ELP4: variants seen among roughly 807,000 people sequenced by gnomAD.
ELP4 encodes the protein elongator acetyltransferase complex subunit 4.
In ELP4, 51 loss-of-function variants were observed where a neutral mutation model predicts 48.9. The observed-to-expected ratio is 1.04, with a 90% CI of 0.83 to 1.32. The LOEUF (loss-of-function observed/expected upper bound fraction) is 1.32, where lower values mean the gene tolerates loss of function less well. Among genes scored for constraint, ELP4 ranks in the 40% most tolerant of loss-of-function variants. The probability of loss-of-function intolerance (pLI) is 0.00; values close to 1 mark genes in which losing one functional copy is unlikely to be tolerated. For synonymous variants in ELP4, 210 were observed against 189.2 expected (o/e 1.11, Z -0.90); for missense variants, 519 against 514.6 (o/e 1.01, Z -0.08).
intron 5 of ELP4, among the ~76,000 whole-genome samples, chr11:31,609,269 T>C (rs1326619123): frequency 6.6e-6 from 1 of 152,148 alleles, no homozygotes; most frequent in Non-Finnish European, 1.5e-5. Flanking sequence ...TTTGGCACGA[T>C]CTCGTTGGGC....
chr11:31,695,280 A>G (rs996586850), intron 9 of ELP4, among the ~76,000 whole-genome samples: 3 of 152,038 alleles, frequency 2.0e-5, no homozygotes, highest in Non-Finnish European at 2.9e-5. Flanking sequence ...TCAGTATGTT[A>G]TTGGCTGTGG....
At chr11:31,712,011 A>G (rs765226611) in intron 9 of ELP4, among the ~76,000 whole-genome samples, 9 of 151,864 alleles carry the variant, frequency 5.9e-5, no homozygotes, top group Non-Finnish European at 1.2e-4. Flanking sequence ...TTTCTTCTAA[A>G]CCATGGGTCA....
At chr11:31,678,307 G>A (rs1183453078) in intron 9 of ELP4, among the ~76,000 whole-genome samples, 1 of 151,996 alleles carries the variant, frequency 6.6e-6, no homozygotes, top group African/African-American at 2.4e-5. Context: ...AAATTAGCCA[G>A]GTATGGTGGT....
rs1012507251 is a variant in ELP4 at position 31,579,400 on chromosome 11, A to G, written c.382-15370A>G. On this transcript the variant is annotated intron_variant, in intron 3 of 9. Transcript: ENST00000640961. ...GGCGATTCCTCAAGGATCTAGAACTAGAAATACCATTAGACCCAGCCATCC... is the reference window on the plus strand; with the variant it reads ...GGCGATTCCTCAAGGATCTAGAACTGGAAATACCATTAGACCCAGCCATCC... 3.4e-4 allele frequency among the ~76,000 whole-genome samples: 51 copies of G among 152,204 alleles called. 1 individual carries two copies. The highest frequency in any genetic ancestry group is 1.0e-4 in the Non-Finnish European group (7 of 68,026).
intron 9 of ELP4, among the ~76,000 whole-genome samples, chr11:31,657,199 T>C (rs1191350923): frequency 6.6e-6 from 1 of 152,048 alleles, no homozygotes; most frequent in Non-Finnish European, 1.5e-5. Flanking sequence ...AGTTTAGTCC[T>C]GCCTCAGTGC....
chr11:31,666,801 A>T (rs1216889658), intron 9 of ELP4, among the ~76,000 whole-genome samples: 1 of 135,260 alleles, frequency 7.4e-6, no homozygotes, highest in Admixed American at 7.5e-5. Flanking sequence ...TAACTTACTT[A>T]CTATTTACTG....
intron 5 of ELP4, among the ~76,000 whole-genome samples, chr11:31,607,934 G>A (rs184920868): frequency 3.1e-4 from 47 of 152,212 alleles, no homozygotes; most frequent in African/African-American, 1.1e-3. Context: ...AAGATGTGGA[G>A]ACCTCCTTTT....
intron 3 of ELP4, among the ~76,000 whole-genome samples, chr11:31,559,311 C>T (rs1474402719): frequency 1.3e-5 from 2 of 152,176 alleles, no homozygotes; most frequent in Admixed American, 1.3e-4. Flanking sequence ...GGCCTTAGTT[C>T]ACCACGTCTG....
intron 1 of ELP4, among the ~76,000 whole-genome samples, chr11:31,515,027 G>GTATATATATA (rs1465007823): frequency 2.9e-5 from 4 of 137,222 alleles, no homozygotes; most frequent in African/African-American, 1.1e-4. Flanking sequence ...GTGTGTGTGT[G>GTATATATATA]TGTGTGTATA....
chr11:31,693,983 T>A (rs1204638782), intron 9 of ELP4, among the ~76,000 whole-genome samples: 1 of 152,242 alleles, frequency 6.6e-6, no homozygotes, highest in Non-Finnish European at 1.5e-5. Context: ...TCTGTTCAGA[T>A]CCTTCGCCCA....
Position 31,789,771 on chromosome 11 carries a change from G to A in ELP4, c.*6247G>A. 1.4e-6 allele frequency: 1 copy of A among 731,866 alleles called. No individual in the cohort carries two copies. The highest frequency in any genetic ancestry group is 1.5e-5 in the South Asian group (1 of 67,974). 45.3% of individuals were successfully genotyped at this position (731,866 alleles called of 1,614,324 possible). ...CTGTATACAAAGGTCCTTGTTTCAAGTCCATTCCTTCCCCAGTGGTACAAT... is the reference window on the plus strand; with the variant it reads ...CTGTATACAAAGGTCCTTGTTTCAAATCCATTCCTTCCCCAGTGGTACAAT... On this transcript the variant is annotated 3_prime_UTR_variant, in exon 10 of 10. Coordinates refer to ENST00000640961, the MANE Select transcript of ELP4 (RefSeq NM_019040.5).
intron 9 of ELP4, among the ~76,000 whole-genome samples, chr11:31,684,898 G>T (rs1946130123): frequency 6.6e-6 from 1 of 152,150 alleles, no homozygotes; most frequent in Non-Finnish European, 1.5e-5. Flanking sequence ...GGAGCTGAGG[G>T]TACTTTCAAG....
At chr11:31,719,331 T>TCC in intron 9 of ELP4, 2 of 391,826 alleles carry the variant, frequency 5.1e-6, no homozygotes, top group Non-Finnish European at 4.5e-6. Flanking sequence ...GTTTGAAGTA[T>TCC]GTGGATGCAT....
intron 3 of ELP4, among the ~76,000 whole-genome samples, chr11:31,571,950 C>T (rs965748986): frequency 6.6e-6 from 1 of 152,076 alleles, no homozygotes; most frequent in African/African-American, 2.4e-5. Context: ...TCTTAAGGGC[C>T]CTAGGATTTT....
chr11:31,541,183 A>G (rs1362508673), intron 3 of ELP4, among the ~76,000 whole-genome samples: 1 of 152,244 alleles, frequency 6.6e-6, no homozygotes, highest in Non-Finnish European at 1.5e-5. Flanking sequence ...TCTTTGCCTT[A>G]GTATAAAAGT....
At chr11:31,699,279 A>C (rs1946472942) in intron 9 of ELP4, among the ~76,000 whole-genome samples, 1 of 152,192 alleles carries the variant, frequency 6.6e-6, no homozygotes, top group African/African-American at 2.4e-5. Flanking sequence ...AATTTGTGCC[A>C]GAAAGTAAGG....
intron 9 of ELP4, among the ~76,000 whole-genome samples, chr11:31,759,456 A>G (rs1947900386): frequency 6.6e-6 from 1 of 152,184 alleles, no homozygotes; most frequent in Non-Finnish European, 1.5e-5. Context: ...TATGCAAACT[A>G]TCCTTTCTTT....
At chr11:31,612,113 G>T (rs1264943054) in intron 5 of ELP4, among the ~76,000 whole-genome samples, 1 of 152,148 alleles carries the variant, frequency 6.6e-6, no homozygotes, top group African/African-American at 2.4e-5. Context: ...AGTTCAGGTG[G>T]CAAAGAAAGA....
chr11:31,607,056 T>C (rs1592153854), intron 5 of ELP4, among the ~76,000 whole-genome samples: 1 of 152,210 alleles, frequency 6.6e-6, no homozygotes, highest in East Asian at 1.9e-4. Flanking sequence ...ACAGGAGCTC[T>C]CACTCTCTCC....
Sources: allele counts gnomAD v4.1 joint callset (sites outside exome capture counted in the v4.1 genomes callset), GRCh38; gene constraint gnomAD v4.1.1; transcripts MANE v1.5; gene names NCBI Gene and HGNC (gene_info 2026-07-23, HGNC 2026-07-21).